DNAJC6: variants seen among roughly 807,000 people sequenced by gnomAD.
DNAJC6 encodes DnaJ heat shock protein family (Hsp40) member C6.
In DNAJC6, 34 loss-of-function variants were observed where a neutral mutation model predicts 110.0. That is an observed-to-expected ratio of 0.31 (90% CI 0.24 to 0.41). The LOEUF is 0.41. Ranked by LOEUF, DNAJC6 falls within the 10% of genes least tolerant of loss-of-function variation. DNAJC6 has a pLI of 1.00. For missense variants in DNAJC6, 1,031 were observed against 1,207.8 expected, an observed-to-expected ratio of 0.85 and a Z score of 2.17; for synonymous variants, 406 against 437.2, an observed-to-expected ratio of 0.93 and a Z score of 0.89.
chr1:65,386,052 A>G, intron 7 of DNAJC6, 146 bp downstream of exon 7: 4 of 870,504 alleles, frequency 4.6e-6, no homozygotes, highest in Non-Finnish European at 6.7e-6. Context: ...AGTGGTAATC[A>G]TAGAAAAGTA....
intron 1 of DNAJC6, among the ~76,000 whole-genome samples, chr1:65,346,796 T>C (rs1645440946): frequency 6.6e-6 from 1 of 152,064 alleles, no homozygotes; most frequent in African/African-American, 2.4e-5. Context: ...AACATTATTT[T>C]GTACTAAATA....
At chr1:65,353,981 T>C (rs932416457) in intron 1 of DNAJC6, among the ~76,000 whole-genome samples, 3 of 152,192 alleles carry the variant, frequency 2.0e-5, no homozygotes, top group African/African-American at 7.2e-5. Flanking sequence ...ATCTCTGCCA[T>C]CTTCTCTTTG....
intron 1 of DNAJC6, among the ~76,000 whole-genome samples, chr1:65,295,437 A>G (rs1484623237): frequency 6.6e-6 from 1 of 152,160 alleles, no homozygotes; most frequent in African/African-American, 2.4e-5. Flanking sequence ...AAGTCCTGTG[A>G]AAAAGCCATG....
rs1217422016 is a variant in DNAJC6, at chr1:65,349,106, A to AT, written c.194-15529_194-15528insT. On this transcript the variant is annotated intron_variant, in intron 1 of 18. Transcript: ENST00000371069. The stretch of plus-strand genomic sequence containing the variant: ...TATATATGTAAATATATATATAAAT[A>AT]AATATGTAAATATATATATATAAAT... Among the ~76,000 whole-genome samples the AT allele has an allele frequency of 6.9e-5, 10 of 144,268 alleles. No homozygotes were observed. The East Asian group carries it at 9.8e-4, about 14-fold the overall frequency. 94.6% of individuals were successfully genotyped at this position (144,268 alleles called of 152,430 possible).
At chr1:65,401,018 G>T (rs1646025366) in intron 14 of DNAJC6, among the ~76,000 whole-genome samples, 1 of 152,118 alleles carries the variant, frequency 6.6e-6, no homozygotes, top group South Asian at 2.1e-4. Flanking sequence ...TCTGACAGGA[G>T]TGAGGTGATA....
At chr1:65,351,187 C>T (rs1645487505) in intron 1 of DNAJC6, among the ~76,000 whole-genome samples, 1 of 152,170 alleles carries the variant, frequency 6.6e-6, no homozygotes, top group Non-Finnish European at 1.5e-5. Context: ...TGCTTCCAGG[C>T]AAAAGCTGGA....
chr1:65,302,814 C>T (rs1233147673), intron 1 of DNAJC6, among the ~76,000 whole-genome samples: 5 of 152,060 alleles, frequency 3.3e-5, no homozygotes, highest in Admixed American at 1.3e-4. Context: ...GGATTACAGG[C>T]GTGAGCCACC....
At chr1:65,298,322 A>C (rs1644946469) in intron 1 of DNAJC6, among the ~76,000 whole-genome samples, 1 of 152,074 alleles carries the variant, frequency 6.6e-6, no homozygotes, top group Non-Finnish European at 1.5e-5. Context: ...TGAAGGTGGG[A>C]GGTGAGGTGA....
chr1:65,331,585 GT>G (rs905881094), intron 1 of DNAJC6, among the ~76,000 whole-genome samples: 1 of 152,186 alleles, frequency 6.6e-6, no homozygotes, highest in African/African-American at 2.4e-5. Flanking sequence ...TGCCCACTCA[GT>G]TTGATGCCAG....
At chr1:65,397,144 C>T (rs929419158) in intron 13 of DNAJC6, among the ~76,000 whole-genome samples, 1 of 152,088 alleles carries the variant, frequency 6.6e-6, no homozygotes, top group African/African-American at 2.4e-5. Flanking sequence ...ATTGTACTAG[C>T]GAGTGGAAAG....
chr1:65,366,943 G>C (rs1024433394), intron 4 of DNAJC6, among the ~76,000 whole-genome samples: 1 of 152,132 alleles, frequency 6.6e-6, no homozygotes, highest in Admixed American at 6.5e-5. Context: ...TGACAATGCT[G>C]TGTATCTAGG....
chr1:65,365,897 A>C lies in DNAJC6; in HGVS notation c.357A>C (p.Gly119=). 2 of 1,613,410 alleles carry C rather than the reference A, an allele frequency of 1.2e-6. No homozygotes were observed. Among genetic ancestry groups the C allele is most frequent in the Non-Finnish European group, 1.7e-6 (2 of 1,179,630 alleles). ...VIQSVTSYTK[G]DLDFTYVTSR... ...GTCTTGCTTTTAGCTACACAAAGGG[A>C]GATTTAGACTTCACTTATGTTACCT... The change falls in exon 3 of 19, where the codon GGA becomes GGC. Residue 119 remains glycine (G), a synonymous_variant. Coordinates refer to ENST00000371069, the MANE Select transcript of DNAJC6 (RefSeq NM_001256864.2).
At chr1:65,393,726 C>G (rs1645951027) in intron 12 of DNAJC6, among the ~76,000 whole-genome samples, 2 of 152,128 alleles carry the variant, frequency 1.3e-5, no homozygotes, top group African/African-American at 4.8e-5. Flanking sequence ...GCCCCTTGGT[C>G]CTGTCACCAT....
chr1:65,361,136 T>C (rs1306720208), intron 1 of DNAJC6, among the ~76,000 whole-genome samples: 1 of 152,198 alleles, frequency 6.6e-6, no homozygotes, highest in East Asian at 1.9e-4. Context: ...CTTTCCTTCT[T>C]TGAGCTTCCA....
intron 1 of DNAJC6, among the ~76,000 whole-genome samples, chr1:65,296,788 A>T (rs35715872): frequency 1.1e-4 from 16 of 152,020 alleles, no homozygotes; most frequent in Non-Finnish European, 2.2e-4. Flanking sequence ...GGGTTTCACC[A>T]TGTTGGCCAG....
chr1:65,337,141 C>G (rs1165126600), intron 1 of DNAJC6, among the ~76,000 whole-genome samples: 1 of 149,496 alleles, frequency 6.7e-6, no homozygotes, highest in Admixed American at 6.8e-5. Flanking sequence ...AGATTAAAGG[C>G]TTGATCAGAC....
rs201134149 is a variant in DNAJC6, at chr1:65,291,073, AC to A, written c.-131+26144del. 2.0e-5 allele frequency among the ~76,000 whole-genome samples: 3 copies of A among 152,294 alleles called. No homozygotes were observed. In the East Asian group the frequency reaches 5.8e-4, roughly 29 times the overall value. On this transcript the variant is annotated intron_variant, in intron 1 of 19. Transcript: ENST00000263441. ...GTTTGAAGTGGAGTCTTACTTTGTCACCCAGGCTGGAGTGCAGGGCACTATC... is the reference window on the plus strand; with the variant it reads ...GTTTGAAGTGGAGTCTTACTTTGTCACCAGGCTGGAGTGCAGGGCACTATC...
At chr1:65,318,954 A>G (rs1645172433) in intron 1 of DNAJC6, among the ~76,000 whole-genome samples, 1 of 151,916 alleles carries the variant, frequency 6.6e-6, no homozygotes, top group Admixed American at 6.6e-5. Context: ...TGGAAGACAG[A>G]GCATGCCAGT....
intron 1 of DNAJC6, among the ~76,000 whole-genome samples, chr1:65,286,470 C>T (rs1654022964): frequency 6.6e-6 from 1 of 152,276 alleles, no homozygotes; most frequent in South Asian, 2.1e-4. Context: ...TGGTCTTGAA[C>T]TCCTGGGCTC....
Sources: allele counts gnomAD v4.1 joint callset (sites outside exome capture counted in the v4.1 genomes callset), GRCh38; gene constraint gnomAD v4.1.1; transcripts MANE v1.5; gene names NCBI Gene and HGNC (gene_info 2026-07-23, HGNC 2026-07-21).